CHKA: variants seen among roughly 807,000 people sequenced by gnomAD.
CHKA encodes CHETK-alpha.
Under a neutral mutation model 60.1 loss-of-function variants are expected in CHKA, and 34 were observed. The observed-to-expected ratio is 0.57, with a 90% CI of 0.43 to 0.75. CHKA has a LOEUF of 0.75. Among genes scored for constraint, CHKA ranks in the 30% least tolerant of loss-of-function variants. The pLI, the probability that CHKA is intolerant of heterozygous loss-of-function variation, is 0.00. For synonymous variants in CHKA, 217 were observed against 223.1 expected (o/e 0.97, Z 0.24); for missense variants, 563 against 561.3 (o/e 1.00, Z -0.03).
chr11:68,090,781 T>C (rs1170796341), intron 2 of CHKA, among the ~76,000 whole-genome samples: 1 of 152,158 alleles, frequency 6.6e-6, no homozygotes, highest in African/African-American at 2.4e-5. Context: ...CCAGACAACA[T>C]TCAAGAGAGA....
intron 11 of CHKA, among the ~76,000 whole-genome samples, chr11:68,057,300 T>C (rs1006627021): frequency 6.6e-6 from 1 of 152,196 alleles, no homozygotes; most frequent in African/African-American, 2.4e-5. Context: ...CCAAGAAATC[T>C]GTGCTTAGGT....
intron 1 of CHKA, among the ~76,000 whole-genome samples, chr11:68,105,615 C>T (rs1375811689): frequency 2.0e-5 from 3 of 151,628 alleles, no homozygotes; most frequent in South Asian, 4.2e-4. Context: ...GGTTTTTTCC[C>T]CTGTCATTTT....
intron 1 of CHKA, among the ~76,000 whole-genome samples, chr11:68,112,803 C>A (rs1010498998): frequency 6.6e-6 from 1 of 152,066 alleles, no homozygotes; most frequent in African/African-American, 2.4e-5. Context: ...GTGGCAGGTG[C>A]CTGGCACGGT....
intron 5 of CHKA, 25 bp downstream of exon 5, chr11:68,070,699 A>G (rs747517911): frequency 1.1e-5 from 18 of 1,604,834 alleles, no homozygotes; most frequent in Non-Finnish European, 2.6e-6. Context: ...AAACTATGTT[A>G]GGACCAAGTG....
intron 2 of CHKA, among the ~76,000 whole-genome samples, chr11:68,083,396 C>T (rs1377817581): frequency 6.6e-6 from 1 of 152,120 alleles, no homozygotes; most frequent in Non-Finnish European, 1.5e-5. Context: ...TGATATATTA[C>T]ATATTAATAC....
At chr11:68,092,090 T>C (rs1161480378) in intron 2 of CHKA, among the ~76,000 whole-genome samples, 1 of 152,200 alleles carries the variant, frequency 6.6e-6, no homozygotes, top group Admixed American at 6.5e-5. Context: ...ATACCAGTTA[T>C]ATTGTATAAG....
chr11:68,121,106 G>T lies in CHKA; in HGVS notation c.72C>A (p.Ser24Arg). ...CGCCGGGCGCCGGGGCCGCGCTGCC[G>T]CTACCGCAGCTCAGCAGCAGCCCGA... The part of the protein sequence containing the change: ...SPLGLLLSCG[S>R]GSAAPAPGVG... Residue 24 changes from serine to arginine, a missense_variant, in exon 1 of 12, where the codon AGC becomes AGA. Physicochemically the swap from Ser to Arg is moderately radical, Grantham distance 110. Coordinates refer to ENST00000265689, the MANE Select transcript of CHKA (RefSeq NM_001277.3). 1 of 1,165,442 alleles carries T rather than the reference G, an allele frequency of 8.6e-7. No homozygotes were observed. The highest frequency in any genetic ancestry group is 1.1e-6 in the Non-Finnish European group (1 of 944,124). The allele number at this position is 1,165,442 out of a possible 1,614,324, so 72.2% of individuals were successfully genotyped here. A position where few individuals can be genotyped will look rare whatever the true frequency, so the allele number is the denominator to read the frequency against.
chr11:68,081,328 C>A, intron 3 of CHKA, 76 bp downstream of exon 3: 1 of 1,225,226 alleles, frequency 8.2e-7, no homozygotes, highest in Non-Finnish European at 1.2e-6. Flanking sequence ...AGAGGCACTG[C>A]CAAGCCCTGG....
At chr11:68,076,875 C>G (rs920424525) in intron 3 of CHKA, among the ~76,000 whole-genome samples, 1 of 152,158 alleles carries the variant, frequency 6.6e-6, no homozygotes, top group Non-Finnish European at 1.5e-5. Context: ...TTACGTAATA[C>G]TGTAGTTCAA....
At chr11:68,069,023 T>C in intron 6 of CHKA, 86 bp from the exon 7 acceptor site, 4 of 989,944 alleles carry the variant, frequency 4.0e-6, no homozygotes, top group East Asian at 4.9e-5. Context: ...CAGCACCAAA[T>C]TCGTGCTCCA....
At chr11:68,108,044 T>C (rs910464265) in intron 1 of CHKA, among the ~76,000 whole-genome samples, 2 of 152,124 alleles carry the variant, frequency 1.3e-5, no homozygotes, top group African/African-American at 4.8e-5. Context: ...GGAAGGACGC[T>C]AGACAGGCTG....
chr11:68,064,745 G>C (rs1322258757), intron 9 of CHKA, 114 bp from the exon 10 acceptor site: 1 of 651,090 alleles, frequency 1.5e-6, no homozygotes, highest in Non-Finnish European at 2.7e-6. Flanking sequence ...CACTCAACAT[G>C]ATGTTCAGCA....
At chr11:68,095,525 C>T (rs1404307531) in intron 2 of CHKA, among the ~76,000 whole-genome samples, 21 of 140,690 alleles carry the variant, frequency 1.5e-4, no homozygotes, top group East Asian at 4.3e-4. Flanking sequence ...CTGGCTAACA[C>T]GGTGAAACCC....
At chr11:68,093,374 G>A (rs1220739817) in intron 2 of CHKA, among the ~76,000 whole-genome samples, 3 of 152,070 alleles carry the variant, frequency 2.0e-5, no homozygotes, top group Non-Finnish European at 4.4e-5. Flanking sequence ...CTTCAGGAAT[G>A]GAAACTCATT....
At chr11:68,074,898 C>CCTA in intron 3 of CHKA, 68 bp from the exon 4 acceptor site, 1 of 1,437,112 alleles carries the variant, frequency 7.0e-7, no homozygotes, top group Non-Finnish European at 9.7e-7. Context: ...CAGAAGCACT[C>CCTA]TCACAGGAGT....
At chr11:68,093,458 T>C (rs1010468815) in intron 2 of CHKA, among the ~76,000 whole-genome samples, 2 of 152,246 alleles carry the variant, frequency 1.3e-5, no homozygotes, top group Non-Finnish European at 2.9e-5. Context: ...TGGAATTATA[T>C]GTAAAACATA....
At position 68,101,107 on chromosome 11, in the gene CHKA, C is replaced by A. The variant is rs889139030; in HGVS notation, c.351-3977G>T. On this transcript the variant is annotated intron_variant, in intron 1 of 11. Coordinates refer to ENST00000265689, the MANE Select transcript of CHKA (RefSeq NM_001277.3). ...GGACTACAGGCGCCCACCACCACAC[C>A]GGGCTAATTTTTTTGTATTTTTAGT... Among the ~76,000 whole-genome samples the A allele has an allele frequency of 2.0e-5, 3 of 151,748 alleles. No homozygotes were observed. The South Asian group carries it at 6.2e-4, about 32-fold the overall frequency.
At chr11:68,084,423 T>TAC (rs1565183402) in intron 2 of CHKA, among the ~76,000 whole-genome samples, 3 of 73,660 alleles carry the variant, frequency 4.1e-5, no homozygotes, top group Admixed American at 1.7e-4. Flanking sequence ...TATATATATA[T>TAC]ACACATATAT....
intron 11 of CHKA, among the ~76,000 whole-genome samples, chr11:68,056,827 C>G (rs1856035945): frequency 1.3e-5 from 2 of 151,862 alleles, no homozygotes; most frequent in Admixed American, 1.3e-4. Flanking sequence ...CTGGGCAACA[C>G]AGTGAGACCC....
Sources: gnomAD v4.1 joint callset for allele counts (sites outside exome capture counted in the v4.1 genomes callset) on GRCh38, gnomAD v4.1.1 for gene constraint, MANE v1.5 for transcripts, NCBI Gene and HGNC (gene_info 2026-07-23, HGNC 2026-07-21) for gene names.